The following SLC23A3 variants were observed in gnomAD, a reference collection of about 807,000 sequenced individuals.
SLC23A3 encodes the protein E2-binding protein 3.
SLC23A3 carries 41 observed loss-of-function variants against 64.7 expected under a neutral mutation model. That is an observed-to-expected ratio of 0.63 (90% CI 0.49 to 0.82). SLC23A3 has a LOEUF of 0.82. Ranked by LOEUF, SLC23A3 falls within the 40% of genes least tolerant of loss-of-function variation. SLC23A3 has a pLI of 0.00. For synonymous variants in SLC23A3, 281 were observed against 306.8 expected (o/e 0.92, Z 0.88); for missense variants, 647 against 733.4 (o/e 0.88, Z 1.36).
At chr2:219,164,204 A>G (rs374643005) in intron 9 of SLC23A3, 29 bp downstream of exon 9, 95 of 1,506,072 alleles carry the variant, frequency 6.3e-5, no homozygotes, top group Non-Finnish European at 8.0e-5. Context: ...TAGCAGTTCA[A>G]TACCAGCCCT....
Position 219,169,462 on chromosome 2 carries a change from C to T in SLC23A3, c.321-56G>A. ...GACTATGTGGCAGCCAGCAAGGCTC[C>T]CCCAAACCTCTCCTACCCTCCAGGA... On this transcript the variant is annotated intron_variant, in intron 2 of 11. Coordinates refer to ENST00000409878, the MANE Select transcript of SLC23A3 (RefSeq NM_001144889.2). This position sits in a 1 kb window ranked among gnomAD's most constrained non-coding sequence, Gnocchi z 4.5. The T allele has an allele frequency of 6.2e-7, 1 of 1,613,604 alleles. No homozygotes were observed. Among genetic ancestry groups the T allele is most frequent in the Non-Finnish European group, 8.5e-7 (1 of 1,179,708 alleles).
intron 10 of SLC23A3, 82 bp from the exon 11 acceptor site, chr2:219,162,476 C>G: frequency 2.0e-6 from 2 of 990,130 alleles, no homozygotes; most frequent in Non-Finnish European, 3.1e-6. Context: ...AGACCTAAAC[C>G]TAAGCCTTGG....
rs753458248 is a variant in SLC23A3, at chr2:219,168,801, C to A, written c.525G>T (p.Leu175=). The stretch of plus-strand genomic sequence containing the variant: ...TCCCCAGCAGCCCCATCATGCCCTG[C>A]AGCAGCCCAGATACTACCACTGCCC... ...VSGAVVVSGL[L]QGMMGLLGSP... Residue 175 remains leucine (L), a synonymous_variant, in exon 5 of 12, where the codon CTG becomes CTT. Transcript: ENST00000409878. 1 of 1,600,046 alleles carries A rather than the reference C, an allele frequency of 6.2e-7. No homozygotes were observed. Among genetic ancestry groups the A allele is most frequent in the South Asian group, 1.1e-5 (1 of 88,556 alleles).
Position 219,170,017 on chromosome 2 carries a change from C to T in SLC23A3, c.-33G>A, listed in dbSNP as rs755588677. ...TGCCTTTCGCTTTGTCTTGGCTGCC[C>T]GGGACCAGAGTTAAGTAGAGAGAGT... On this transcript the variant is annotated 5_prime_UTR_variant, in exon 1 of 12. Transcript: ENST00000409878. The T allele has an allele frequency of 3.7e-5, 59 of 1,607,442 alleles. No individual in the cohort carries two copies. The highest frequency in any genetic ancestry group is 4.5e-5 in the Non-Finnish European group (53 of 1,177,510).
Position 219,168,023 on chromosome 2 carries a change from C to T in SLC23A3, c.820G>A (p.Val274Met). ...CCCACAAAGGCAGAAACAATCCACA[C>T]ACAGGCCACTGGGATCAGCACCTGA... Reference protein sequence around the residue: ...LLSVLIPVACVWIVSAFVGFS... With the variant: ...LLSVLIPVACMWIVSAFVGFS... Residue 274 changes from valine (V) to methionine (M), a missense_variant, in exon 7 of 12, where the codon GTG (valine) becomes ATG (methionine). Transcript: ENST00000409878. 1.3e-6 allele frequency: 2 copies of T among 1,588,682 alleles called. No individual in the cohort carries two copies. The highest frequency in any genetic ancestry group is 1.7e-6 in the Non-Finnish European group (2 of 1,171,926).
intron 10 of SLC23A3, among the ~76,000 whole-genome samples, 174 bp downstream of exon 10, chr2:219,163,214 A>G (rs1559208120): frequency 6.6e-6 from 1 of 152,242 alleles, no homozygotes; most frequent in East Asian, 1.9e-4. Flanking sequence ...GTAATAACGG[A>G]AGGCATCTTT....
In SLC23A3 at chr2:219,161,991, G is replaced by A; in HGVS notation, c.1751C>T (p.Pro584Leu). The change falls in exon 12 of 12, where the codon CCA (proline) becomes CTA (leucine). Residue 584 changes from proline (P) to leucine (L), a missense_variant. By Grantham distance (98) the Pro-to-Leu change is moderately conservative. Coordinates refer to ENST00000409878, the MANE Select transcript of SLC23A3 (RefSeq NM_001144889.2). ...AGGCAGCAAGTCTGCCATCTCTTCT[G>A]GCTCAGAGGAGCCTCCTTCCTCATC... ...PGDEEGGSSEPEEMADLLPGS... is the reference protein window; with the variant it reads ...PGDEEGGSSELEEMADLLPGS... The A allele has an allele frequency of 6.2e-7, 1 of 1,613,718 alleles. No homozygotes were observed. The highest frequency in any genetic ancestry group is 8.5e-7 in the Non-Finnish European group (1 of 1,179,742).
chr2:219,168,026 A>T lies in SLC23A3; in HGVS notation c.817T>A (p.Cys273Ser). The T allele has an allele frequency of 6.3e-7, 1 of 1,586,996 alleles. No homozygotes were observed. The highest frequency in any genetic ancestry group is 8.5e-7 in the Non-Finnish European group (1 of 1,171,080). Residue 273 changes from cysteine to serine, a missense_variant, in exon 7 of 12, where the codon TGT becomes AGT. Physicochemically the swap from Cys to Ser is moderately radical, Grantham distance 112. Transcript: ENST00000409878. ...RLLSVLIPVA[C>S]VWIVSAFVGF... The stretch of plus-strand genomic sequence containing the variant: ...ACAAAGGCAGAAACAATCCACACAC[A>T]GGCCACTGGGATCAGCACCTGAGGG...
rs1420155851 is a variant in SLC23A3, at chr2:219,165,396, G to C, written c.940C>G (p.Pro314Ala). ...GAGATGCCTGCAGCCAGAGCTCTGGGCGTCAGCAAAGGCCAATTCCACTCA... is the reference window on the plus strand; with the variant it reads ...GAGATGCCTGCAGCCAGAGCTCTGGCCGTCAGCAAAGGCCAATTCCACTCA... ...PGEWNWPLLT[P>A]RALAAGISMA... Residue 314 changes from proline (P) to alanine (A), a missense_variant, in exon 8 of 12, where the codon CCC (proline) becomes GCC (alanine). Physicochemically the swap from Pro to Ala is conservative, Grantham distance 27 (BLOSUM62 -1). Coordinates refer to ENST00000409878, the MANE Select transcript of SLC23A3 (RefSeq NM_001144889.2). 6.4e-7 allele frequency: 1 copy of C among 1,550,780 alleles called. No individual in the cohort carries two copies. Among genetic ancestry groups the C allele is most frequent in the South Asian group, 1.2e-5 (1 of 84,000 alleles).
At chr2:219,165,022 GC>G (rs1485989447) in intron 8 of SLC23A3, 146 bp downstream of exon 8, 10 of 1,096,358 alleles carry the variant, frequency 9.1e-6, no homozygotes, top group Admixed American at 3.0e-5. Flanking sequence ...CACTCTCTTA[GC>G]CCAAAGTCTA....
At position 219,169,828 on chromosome 2, in the gene SLC23A3, G is replaced by A; in HGVS notation, c.157C>T (p.Leu53=). Residue 53 remains leucine (L), a synonymous_variant, in exon 1 of 12, where the codon CTG becomes TTG. Transcript: ENST00000409878. This position sits in a 1 kb window ranked among gnomAD's most constrained non-coding sequence, Gnocchi z 4.5. The part of the protein sequence containing the change: ...LPWGLSCLLA[L]QHVLVMASLL... ...CCTGCACCTCTGCCTCCTACCTGCA[G>A]AGCCAGAAGACAGCTGAGGCCCCAA... 6.2e-7 allele frequency: 1 copy of A among 1,613,986 alleles called. No individual in the cohort carries two copies. The highest frequency in any genetic ancestry group is 8.5e-7 in the Non-Finnish European group (1 of 1,179,958).
intron 7 of SLC23A3, 98 bp from the exon 8 acceptor site, chr2:219,165,520 G>A (rs1249673606): frequency 7.3e-7 from 1 of 1,371,876 alleles, no homozygotes; most frequent in Non-Finnish European, 9.8e-7. Flanking sequence ...ATGCCTCAAT[G>A]TCTTTGAAGA....
In SLC23A3 at chr2:219,169,781, A is replaced by ACAC; in HGVS notation, c.162+39_162+41dup. 1 of 1,612,778 alleles carries ACAC rather than the reference A, an allele frequency of 6.2e-7. No homozygotes were observed. Among genetic ancestry groups the ACAC allele is most frequent in the Non-Finnish European group, 8.5e-7 (1 of 1,179,520 alleles). ...CACATCTACACCTACTTCCCCACAC[A>ACAC]CACCATCAGGCAGCACCAACTCCTG... On this transcript the variant is annotated intron_variant, in intron 1 of 11. Transcript: ENST00000409878. This position sits in a 1 kb window ranked among gnomAD's most constrained non-coding sequence, Gnocchi z 4.5.
At chr2:219,168,174 C>G (rs1182753814) in intron 6 of SLC23A3, 21 bp downstream of exon 6, 3 of 1,612,580 alleles carry the variant, frequency 1.9e-6, no homozygotes, top group East Asian at 2.2e-5. Flanking sequence ...CCTCTACTGC[C>G]CTGCCCAGAC....
At position 219,164,294 on chromosome 2, in the gene SLC23A3, C is replaced by T. The variant is rs1448555830; in HGVS notation, c.1212G>A (p.Val404=). 1.2e-6 allele frequency: 2 copies of T among 1,609,366 alleles called. No individual in the cohort carries two copies. Among genetic ancestry groups the T allele is most frequent in the South Asian group, 1.1e-5 (1 of 89,818 alleles). The change falls in exon 9 of 12, where the codon GTG becomes GTA. Residue 404 remains valine (V), a synonymous_variant. Transcript: ENST00000409878. ...CCAACCTGGGGGAGAGTCCAAGCCC[C>T]ACGCAGAGTAGCCCCACTAAGTGAG... ...QVAHLVGLLC[V]GLGLSPRLAQ... is the part of the protein sequence containing the mutation.
At chr2:219,162,504 C>A in intron 10 of SLC23A3, 110 bp from the exon 11 acceptor site, 1 of 759,250 alleles carries the variant, frequency 1.3e-6, no homozygotes, top group South Asian at 1.6e-5. Context: ...ACAGATCTTT[C>A]TGAATTGTCA....
chr2:219,162,190 G>C lies in SLC23A3; in HGVS notation c.1552C>G (p.Arg518Gly). Residue 518 changes from arginine (R) to glycine (G), a missense_variant, in exon 12 of 12, where the codon CGA becomes GGA. By Grantham distance (125) the Arg-to-Gly change is moderately radical (BLOSUM62 -2). Transcript: ENST00000409878. ...GATGGTAGCCCTTGACCTAGGCCTC[G>C]CTCAAGCTGTGTGCCTGCAAAAGAG... ...ENTIPGTQLE[R>G]GLGQGLPSPF... 6.2e-7 allele frequency: 1 copy of C among 1,610,418 alleles called. No homozygotes were observed. Among genetic ancestry groups the C allele is most frequent in the Non-Finnish European group, 8.5e-7 (1 of 1,177,380 alleles).
At position 219,162,496 on chromosome 2, in the gene SLC23A3, A is replaced by C. The variant is rs1016183953; in HGVS notation, c.1442-102T>G. 4 of 793,734 alleles carry C rather than the reference A, an allele frequency of 5.0e-6. No homozygotes were observed. In the African/African-American group the frequency reaches 6.9e-5, roughly 14 times the overall value. 49.2% of individuals were successfully genotyped at this position (793,734 alleles called of 1,614,324 possible). On this transcript the variant is annotated intron_variant, in intron 10 of 11. Coordinates refer to ENST00000409878, the MANE Select transcript of SLC23A3 (RefSeq NM_001144889.2). ...TAAACCTAAGCCTTGGACTAAGGAC[A>C]GATCTTTCTGAATTGTCATTTCATC...
rs1386609121 is a variant in SLC23A3, at chr2:219,164,290, G to A, written c.1216C>T (p.Leu406Phe). The change falls in exon 9 of 12, where the codon CTT becomes TTT. Residue 406 changes from leucine (L) to phenylalanine (F), a missense_variant. Physicochemically the swap from Leu to Phe is conservative, Grantham distance 22. Coordinates refer to ENST00000409878, the MANE Select transcript of SLC23A3 (RefSeq NM_001144889.2). Reference protein sequence around the residue: ...AHLVGLLCVGLGLSPRLAQLL... With the variant: ...AHLVGLLCVGFGLSPRLAQLL... Reference sequence around the variant, plus strand: ...TGAGCCAACCTGGGGGAGAGTCCAAGCCCCACGCAGAGTAGCCCCACTAAG... The same window carrying A: ...TGAGCCAACCTGGGGGAGAGTCCAAACCCCACGCAGAGTAGCCCCACTAAG... 4 of 1,609,602 alleles carry A rather than the reference G, an allele frequency of 2.5e-6. No homozygotes were observed. Among genetic ancestry groups the A allele is most frequent in the Non-Finnish European group, 3.4e-6 (4 of 1,178,152 alleles).
Sources: gnomAD v4.1 joint callset for allele counts (sites outside exome capture counted in the v4.1 genomes callset) on GRCh38, gnomAD v4.1.1 for gene constraint, Gnocchi (gnomAD v3.1) non-coding constraint, MANE v1.5 for transcripts, NCBI Gene and HGNC (gene_info 2026-07-23, HGNC 2026-07-21) for gene names.